Variants in ASXL2 observed in about 807,000 individuals in gnomAD.
The protein encoded by ASXL2 is ASXL transcriptional regulator 2.
In ASXL2, 23 loss-of-function variants were observed where a neutral mutation model predicts 122.0. The ratio of observed to expected loss-of-function variants is 0.19; its 90% CI spans 0.14 to 0.27. ASXL2 has a LOEUF of 0.27. ASXL2 is among the 10% of genes least tolerant of loss of function. The probability of loss-of-function intolerance (pLI) is 1.00; values close to 1 mark genes in which losing one functional copy is unlikely to be tolerated. For synonymous variants in ASXL2, 650 were observed against 637.0 expected (o/e 1.02, Z -0.31); for missense variants, 1,518 against 1,713.8 (o/e 0.89, Z 2.02).
chr2:25,876,945 G>A (rs1218353192), intron 1 of ASXL2, among the ~76,000 whole-genome samples: 2 of 152,130 alleles, frequency 1.3e-5, no homozygotes, highest in Admixed American at 6.5e-5. Context: ...CCTAGATTTG[G>A]GGAAATAAAG....
At chr2:25,843,863 T>C (rs1462178738) in intron 2 of ASXL2, among the ~76,000 whole-genome samples, 1 of 118,400 alleles carries the variant, frequency 8.4e-6, no homozygotes, top group Admixed American at 7.9e-5. Flanking sequence ...AAATGAGAAA[T>C]AAAATCTAGA....
chr2:25,759,362 A>G, intron 9 of ASXL2, 120 bp downstream of exon 9: 1 of 1,107,440 alleles, frequency 9.0e-7, no homozygotes, highest in South Asian at 2.0e-5. Flanking sequence ...CCTTAAAAAA[A>G]CCTGCCTATT....
chr2:25,870,847 C>G (rs2089957351), intron 1 of ASXL2, among the ~76,000 whole-genome samples: 1 of 152,114 alleles, frequency 6.6e-6, no homozygotes, highest in Non-Finnish European at 1.5e-5. Context: ...TAACTATCAA[C>G]CAGAGTTAAT....
At chr2:25,864,642 T>C (rs954238338) in intron 1 of ASXL2, among the ~76,000 whole-genome samples, 1 of 151,976 alleles carries the variant, frequency 6.6e-6, no homozygotes, top group East Asian at 1.9e-4. Flanking sequence ...CAAGTCAAAG[T>C]AGTATATCTC....
Position 25,759,397 on chromosome 2 carries a change from T to C in ASXL2, c.939+85A>G, listed in dbSNP as rs2088198855. 6.0e-6 allele frequency: 8 copies of C among 1,340,874 alleles called. No individual in the cohort carries two copies. The South Asian group carries it at 1.5e-4, about 25-fold the overall frequency. 83.1% of individuals were successfully genotyped at this position (1,340,874 alleles called of 1,614,324 possible). A position where few individuals can be genotyped will look rare whatever the true frequency, so the allele number is the denominator to read the frequency against. Reference sequence around the variant, plus strand: ...TAAGAAACTTATGTAAAAATATTCTTACTTCTCACTTAGTACCATTAATAC... The same window carrying C: ...TAAGAAACTTATGTAAAAATATTCTCACTTCTCACTTAGTACCATTAATAC... On this transcript the variant is annotated intron_variant, in intron 9 of 12. Transcript: ENST00000435504.
intron 9 of ASXL2, among the ~76,000 whole-genome samples, chr2:25,758,135 T>C (rs962388272): frequency 2.6e-5 from 4 of 152,190 alleles, no homozygotes; most frequent in African/African-American, 9.7e-5. Flanking sequence ...TTGGGCTCTC[T>C]GGACAATGGA....
intron 5 of ASXL2, among the ~76,000 whole-genome samples, chr2:25,777,783 ACT>A (rs1314776230): frequency 6.6e-6 from 1 of 151,750 alleles, no homozygotes; most frequent in African/African-American, 2.4e-5. Flanking sequence ...TCTCATAATT[ACT>A]CTCTCTTAGG....
chr2:25,762,304 T>A (rs2088267220), intron 8 of ASXL2, among the ~76,000 whole-genome samples: 3 of 109,950 alleles, frequency 2.7e-5, no homozygotes, highest in Admixed American at 9.7e-5. Flanking sequence ...AGAATTAATA[T>A]GAACACACCA....
chr2:25,779,484 A>G (rs1026572565), intron 5 of ASXL2, among the ~76,000 whole-genome samples: 13 of 152,120 alleles, frequency 8.5e-5, no homozygotes, highest in Admixed American at 8.5e-4. Context: ...GCTTAGTACT[A>G]TATAGTTTCA....
chr2:25,858,756 G>C (rs2089811615), intron 1 of ASXL2, among the ~76,000 whole-genome samples: 2 of 150,328 alleles, frequency 1.3e-5, no homozygotes, highest in African/African-American at 4.9e-5. Context: ...TATAAAGAGG[G>C]AAATTGATAA....
chr2:25,824,281 A>C (rs2089348970), intron 3 of ASXL2, among the ~76,000 whole-genome samples: 2 of 152,174 alleles, frequency 1.3e-5, no homozygotes, highest in Admixed American at 6.5e-5. Context: ...TATGGAAAAG[A>C]AGCTGTCTTG....
intron 3 of ASXL2, among the ~76,000 whole-genome samples, chr2:25,820,538 T>C (rs1403452434): frequency 6.6e-6 from 1 of 152,210 alleles, no homozygotes; most frequent in African/African-American, 2.4e-5. Context: ...ATTCCATTTA[T>C]ATGAATGTCC....
At chr2:25,762,665 GAAAAAAAAAAAAAAAA>G (rs60065368) in intron 8 of ASXL2, among the ~76,000 whole-genome samples, 2 of 34,258 alleles carry the variant, frequency 5.8e-5, no homozygotes, top group Admixed American at 8.7e-4. Context: ...ACTCTTTCTC[GAAAAAAAAAAAAAAAA>G]AAAAAAAAGA....
In ASXL2 at chr2:25,737,384, A is replaced by G. The variant is rs1281559350; in HGVS notation, c.*4645T>C. 1 of 152,142 alleles carries G rather than the reference A, an allele frequency of 6.6e-6. No individual in the cohort carries two copies. The highest frequency in any genetic ancestry group is 1.5e-5 in the Non-Finnish European group (1 of 68,010). The allele number at this position is 152,142 out of a possible 1,614,324, so 9.4% of individuals were successfully genotyped here. ...TGATTTAGGAGCAAACAATGGGCACATTAATAAAGAGGCTGCACCGCATTT... is the reference window on the plus strand; with the variant it reads ...TGATTTAGGAGCAAACAATGGGCACGTTAATAAAGAGGCTGCACCGCATTT... On this transcript the variant is annotated 3_prime_UTR_variant, in exon 13 of 13. Transcript: ENST00000435504.
chr2:25,803,209 C>A (rs576198347), intron 4 of ASXL2, among the ~76,000 whole-genome samples: 1 of 152,294 alleles, frequency 6.6e-6, no homozygotes, highest in Admixed American at 6.5e-5. Flanking sequence ...GGGTGGCAAG[C>A]CTGGAGAGGG....
chr2:25,792,896 G>A lies in ASXL2; in HGVS notation c.403+6489C>T, dbSNP rs2088856709. On this transcript the variant is annotated intron_variant, in intron 5 of 12. Transcript: ENST00000435504. ...ACTGGGATTACAGGCGTGAGCCACC[G>A]CACTCGGCTGATAAATTTTTTTTTT... Among the ~76,000 whole-genome samples, 8 of 151,136 alleles carry A rather than the reference G, an allele frequency of 5.3e-5. No homozygotes were observed. The East Asian group carries it at 6.0e-4, about 11-fold the overall frequency.
intron 1 of ASXL2, chr2:25,856,744 G>T: frequency 7.6e-7 from 1 of 1,309,052 alleles, no homozygotes; most frequent in Non-Finnish European, 1.1e-6. Context: ...TTGACCTTCA[G>T]CAGCAGACAG....
chr2:25,840,958 C>A (rs1397521916), intron 2 of ASXL2, among the ~76,000 whole-genome samples: 1 of 152,146 alleles, frequency 6.6e-6, no homozygotes, highest in African/African-American at 2.4e-5. Context: ...CTTTAAGAAG[C>A]ATAGTACGTG....
intron 5 of ASXL2, among the ~76,000 whole-genome samples, chr2:25,773,916 G>C (rs1269366028): frequency 1.3e-5 from 2 of 151,920 alleles, no homozygotes; most frequent in African/African-American, 2.4e-5. Flanking sequence ...TGTAGTCACA[G>C]CTACTCAGGA....
Sources: allele counts gnomAD v4.1 joint callset (sites outside exome capture counted in the v4.1 genomes callset), GRCh38; gene constraint gnomAD v4.1.1; transcripts MANE v1.5; gene names NCBI Gene and HGNC (gene_info 2026-07-23, HGNC 2026-07-21).